GALNTL6: variants seen among roughly 807,000 people sequenced by gnomAD.
GALNTL6 encodes polypeptide N-acetylgalactosaminyltransferase-like 6.
GALNTL6 carries 46 observed loss-of-function variants against 73.7 expected under a neutral mutation model. The ratio of observed to expected loss-of-function variants is 0.62; its 90% CI spans 0.49 to 0.80. The LOEUF (loss-of-function observed/expected upper bound fraction) is 0.80. GALNTL6 is among the 30% of genes least tolerant of loss of function. The pLI is 0.00. For missense variants in GALNTL6, 604 were observed against 755.0 expected, an observed-to-expected ratio of 0.80 and a Z score of 2.34; for synonymous variants, 259 against 263.7, an observed-to-expected ratio of 0.98 and a Z score of 0.17.
intron 5 of GALNTL6, among the ~76,000 whole-genome samples, chr4:172,754,843 CAAAAAAAA>C (rs56376727): frequency 1.6e-5 from 2 of 128,946 alleles, no homozygotes; most frequent in Admixed American, 1.5e-4. Flanking sequence ...TCACTTCCAC[CAAAAAAAA>C]AAAAAAAGAA....
chr4:172,465,455 C>T (rs183166867), intron 5 of GALNTL6, among the ~76,000 whole-genome samples: 30 of 150,254 alleles, frequency 2.0e-4, no homozygotes, highest in East Asian at 9.8e-4. Context: ...CCAGCTTGGG[C>T]GACAGAGCGA....
intron 2 of GALNTL6, among the ~76,000 whole-genome samples, chr4:171,837,819 C>G (rs1325543306): frequency 6.6e-6 from 1 of 150,428 alleles, no homozygotes; most frequent in East Asian, 1.9e-4. Flanking sequence ...GCACATTTCC[C>G]ATCTAGAAAT....
rs191554274 is a variant in GALNTL6, at chr4:172,583,639, C to T, written c.554-225722C>T. Among the ~76,000 whole-genome samples, 566 of 152,174 alleles carry T rather than the reference C, an allele frequency of 3.7e-3. 4 individuals carry two copies. Among genetic ancestry groups the T allele is most frequent in the Non-Finnish European group, 5.5e-3 (374 of 67,982 alleles). Reference sequence around the variant, plus strand: ...GGATGCGGCTGGGCGAGGTGGCTCACGCCTATAATCCCAGCACTTTGGGAG... The same window carrying T: ...GGATGCGGCTGGGCGAGGTGGCTCATGCCTATAATCCCAGCACTTTGGGAG... On this transcript the variant is annotated intron_variant, in intron 5 of 12. Transcript: ENST00000506823.
chr4:173,001,079 A>C (rs1210345714), intron 10 of GALNTL6, among the ~76,000 whole-genome samples: 15 of 152,192 alleles, frequency 9.9e-5, no homozygotes, highest in Non-Finnish European at 1.5e-4. Context: ...AGTGAACATA[A>C]AAGCAGAAAC....
At position 172,069,377 on chromosome 4, in the gene GALNTL6, ATG is replaced by A. The variant is rs762253517; in HGVS notation, c.139-160271_139-160270del. Among the ~76,000 whole-genome samples, 26 of 96,354 alleles carry A rather than the reference ATG, an allele frequency of 2.7e-4. 9 individuals are homozygous for A. The highest frequency in any genetic ancestry group is 8.8e-4 in the South Asian group (3 of 3,398). The allele number at this position is 96,354 out of a possible 152,430, so 63.2% of individuals were successfully genotyped here. On this transcript the variant is annotated intron_variant, in intron 2 of 12. Coordinates refer to ENST00000506823, the MANE Select transcript of GALNTL6 (RefSeq NM_001034845.3). The stretch of plus-strand genomic sequence containing the variant: ...ATAAATATATGTAGTGTGTATATAT[ATG>A]TGTGTGTACATATGTGTTATATATA...
At chr4:172,187,814 G>C (rs1735458496) in intron 2 of GALNTL6, among the ~76,000 whole-genome samples, 1 of 151,874 alleles carries the variant, frequency 6.6e-6, no homozygotes, top group Non-Finnish European at 1.5e-5. Context: ...TCACTTCCAA[G>C]TACTCTTCTG....
At chr4:172,565,370 C>A (rs1209850982) in intron 5 of GALNTL6, among the ~76,000 whole-genome samples, 1 of 152,024 alleles carries the variant, frequency 6.6e-6, no homozygotes, top group African/African-American at 2.4e-5. Context: ...TGATTTTTAT[C>A]CTTCATTCTG....
At chr4:171,935,515 C>A (rs376954222) in intron 2 of GALNTL6, among the ~76,000 whole-genome samples, 25 of 152,238 alleles carry the variant, frequency 1.6e-4, no homozygotes, top group African/African-American at 6.0e-4. Flanking sequence ...GTTGCCCAGG[C>A]TGGAGTGCAG....
chr4:173,027,576 CA>C (rs1260937312), intron 12 of GALNTL6, among the ~76,000 whole-genome samples: 1 of 152,074 alleles, frequency 6.6e-6, no homozygotes, highest in Non-Finnish European at 1.5e-5. Context: ...GAAGTATAGC[CA>C]AAAACCCACA....
intron 10 of GALNTL6, among the ~76,000 whole-genome samples, chr4:172,960,004 C>T (rs1178265007): frequency 1.3e-5 from 2 of 152,162 alleles, no homozygotes; most frequent in African/African-American, 2.4e-5. Context: ...TATTGTACAC[C>T]TTAAAGGTGA....
chr4:172,824,450 G>A (rs576390187), intron 7 of GALNTL6, among the ~76,000 whole-genome samples: 3 of 151,540 alleles, frequency 2.0e-5, no homozygotes, highest in Non-Finnish European at 4.4e-5. Context: ...ATAATAAATT[G>A]GGATCAGGTT....
intron 2 of GALNTL6, among the ~76,000 whole-genome samples, chr4:172,203,927 G>A (rs1296117043): frequency 6.6e-6 from 1 of 151,924 alleles, no homozygotes; most frequent in African/African-American, 2.4e-5. Flanking sequence ...TGTATTTTTA[G>A]TAGAGACGGT....
intron 5 of GALNTL6, among the ~76,000 whole-genome samples, chr4:172,571,406 A>G (rs1035315386): frequency 2.6e-5 from 4 of 152,244 alleles, no homozygotes; most frequent in South Asian, 4.1e-4. Flanking sequence ...CCTACAAAAT[A>G]TAGAACAGCT....
At chr4:172,480,189 C>T (rs925599346) in intron 5 of GALNTL6, among the ~76,000 whole-genome samples, 40 of 151,792 alleles carry the variant, frequency 2.6e-4, no homozygotes, top group African/African-American at 9.4e-4. Context: ...TATCTATAGT[C>T]CCAACTACTT....
At chr4:172,440,715 G>C (rs1453245724) in intron 5 of GALNTL6, among the ~76,000 whole-genome samples, 1 of 152,050 alleles carries the variant, frequency 6.6e-6, no homozygotes, top group African/African-American at 2.4e-5. Flanking sequence ...CATGTGTAGA[G>C]GCAGGAGGTA....
intron 5 of GALNTL6, among the ~76,000 whole-genome samples, chr4:172,801,853 GCAAGAC>G (rs1274004646): frequency 6.6e-6 from 1 of 152,118 alleles, no homozygotes; most frequent in African/African-American, 2.4e-5. Context: ...CCCTGAGACA[GCAAGAC>G]CAACTCCTCT....
intron 2 of GALNTL6, among the ~76,000 whole-genome samples, chr4:171,897,084 A>G (rs1418414731): frequency 6.6e-6 from 1 of 152,088 alleles, no homozygotes; most frequent in Admixed American, 6.5e-5. Flanking sequence ...ATCTAAATAA[A>G]TCAGAAAAAG....
At chr4:173,033,170 T>G (rs1348038283) in intron 12 of GALNTL6, among the ~76,000 whole-genome samples, 1 of 151,800 alleles carries the variant, frequency 6.6e-6, no homozygotes, top group Non-Finnish European at 1.5e-5. Flanking sequence ...CCAGCTAACT[T>G]TAGTGTTTTT....
chr4:172,798,891 C>T, intron 5 of GALNTL6, among the ~76,000 whole-genome samples: 1 of 152,080 alleles, frequency 6.6e-6, no homozygotes. Context: ...CTTTGTTAAA[C>T]TAATTTTAAA....
Sources: gnomAD v4.1 joint callset for allele counts (sites outside exome capture counted in the v4.1 genomes callset) on GRCh38, gnomAD v4.1.1 for gene constraint, MANE v1.5 for transcripts, NCBI Gene and HGNC (gene_info 2026-07-23, HGNC 2026-07-21) for gene names.